EXOC4: variants seen among roughly 807,000 people sequenced by gnomAD.
EXOC4 encodes the protein SEC8-like 1.
A neutral mutation model predicts 107.2 loss-of-function variants in EXOC4; 71 were observed. That is an observed-to-expected ratio of 0.66 (90% confidence interval 0.55 to 0.81). EXOC4 has a LOEUF of 0.81. Ranked by LOEUF, EXOC4 falls within the 30% of genes least tolerant of loss-of-function variation. The pLI is 0.00. For synonymous variants in EXOC4, 456 were observed against 441.2 expected, an observed-to-expected ratio of 1.03 and a Z score of -0.42; for missense variants, 1,108 against 1,189.6, an observed-to-expected ratio of 0.93 and a Z score of 1.01.
intron 10 of EXOC4, among the ~76,000 whole-genome samples, chr7:133,672,946 T>A (rs1251744577): frequency 6.6e-6 from 1 of 152,098 alleles, no homozygotes; most frequent in Non-Finnish European, 1.5e-5. Flanking sequence ...GCCTTTAAAA[T>A]TTTTTTTCAG....
chr7:133,853,423 G>T (rs1313400306), intron 11 of EXOC4, among the ~76,000 whole-genome samples: 2 of 149,214 alleles, frequency 1.3e-5, no homozygotes, highest in Admixed American at 6.7e-5. Flanking sequence ...TGGAGAGAGG[G>T]TCTCATTATG....
At chr7:133,841,733 G>A (rs1206541962) in intron 11 of EXOC4, among the ~76,000 whole-genome samples, 1 of 152,024 alleles carries the variant, frequency 6.6e-6, no homozygotes. Context: ...ATGTTGCAGG[G>A]GTTTGATATA....
At chr7:134,043,663 C>T (rs752784076) in intron 17 of EXOC4, among the ~76,000 whole-genome samples, 34 of 152,128 alleles carry the variant, frequency 2.2e-4, no homozygotes, top group Non-Finnish European at 3.7e-4. Context: ...CCAGCATCAC[C>T]GTAGACTCTG....
intron 7 of EXOC4, among the ~76,000 whole-genome samples, chr7:133,473,744 A>G (rs1798939212): frequency 2.6e-5 from 4 of 151,564 alleles, no homozygotes; most frequent in Non-Finnish European, 1.5e-5. Flanking sequence ...TCTGTCGCCC[A>G]GGCTGGAGTG....
At chr7:133,818,075 A>G (rs1834117) in intron 11 of EXOC4, among the ~76,000 whole-genome samples, 18,942 of 152,124 alleles carry the variant, frequency 0.12, 1,309 homozygotes, top group Middle Eastern at 0.16. Flanking sequence ...TACTTTATAT[A>G]AAAAAATGGT....
intron 11 of EXOC4, among the ~76,000 whole-genome samples, chr7:133,826,048 G>A (rs898312015): frequency 1.3e-5 from 2 of 151,826 alleles, no homozygotes; most frequent in African/African-American, 4.8e-5. Context: ...GTATTATTTT[G>A]CCTCTTCATG....
At chr7:133,739,222 TTGTGTGTGTG>T (rs72444310) in intron 10 of EXOC4, among the ~76,000 whole-genome samples, 96 of 142,408 alleles carry the variant, frequency 6.7e-4, no homozygotes, top group East Asian at 1.7e-3. Context: ...GTAGAGGGGT[TTGTGTGTGTG>T]TGTGTGTGTG....
chr7:133,651,390 C>T (rs539844804), intron 10 of EXOC4, among the ~76,000 whole-genome samples: 1 of 152,206 alleles, frequency 6.6e-6, no homozygotes, highest in South Asian at 2.1e-4. Flanking sequence ...CTATAGTATC[C>T]TTAGCACTAC....
At chr7:133,380,256 A>C in intron 7 of EXOC4, among the ~76,000 whole-genome samples, 1 of 150,436 alleles carries the variant, frequency 6.6e-6, no homozygotes, top group South Asian at 2.1e-4. Flanking sequence ...AAATAAAATA[A>C]AATAAAATAA....
At chr7:133,921,307 C>G (rs1799930348) in intron 13 of EXOC4, among the ~76,000 whole-genome samples, 2 of 152,134 alleles carry the variant, frequency 1.3e-5, no homozygotes, top group Admixed American at 6.5e-5. Context: ...TGGATGATAC[C>G]CATCCATGTT....
intron 7 of EXOC4, among the ~76,000 whole-genome samples, chr7:133,379,862 A>G (rs1335521949): frequency 1.3e-5 from 2 of 152,186 alleles, no homozygotes; most frequent in African/African-American, 4.8e-5. Context: ...ATTATTTCAT[A>G]ATAAAGATGA....
At chr7:133,903,115 C>T (rs1255128753) in intron 12 of EXOC4, among the ~76,000 whole-genome samples, 2 of 152,074 alleles carry the variant, frequency 1.3e-5, no homozygotes, top group African/African-American at 4.8e-5. Flanking sequence ...TTTTAAGGAA[C>T]AGCAAGGAGG....
chr7:133,624,470 C>T (rs978843484), intron 9 of EXOC4, among the ~76,000 whole-genome samples: 4 of 152,102 alleles, frequency 2.6e-5, no homozygotes, highest in Non-Finnish European at 5.9e-5. Flanking sequence ...CTAGTCTTAG[C>T]TGCTCAGGAG....
intron 10 of EXOC4, among the ~76,000 whole-genome samples, chr7:133,633,486 A>C (rs1388424768): frequency 6.6e-6 from 1 of 152,164 alleles, no homozygotes; most frequent in African/African-American, 2.4e-5. Flanking sequence ...TGGGAAGCCG[A>C]GGTGGGTGGA....
chr7:133,997,961 A>G (rs543888089), intron 15 of EXOC4, among the ~76,000 whole-genome samples: 44 of 152,328 alleles, frequency 2.9e-4, no homozygotes, highest in African/African-American at 1.0e-3. Context: ...GATAGTTTCT[A>G]ACTTATAGAG....
intron 9 of EXOC4, among the ~76,000 whole-genome samples, chr7:133,487,389 A>T (rs1024548447): frequency 1.3e-5 from 2 of 152,198 alleles, no homozygotes; most frequent in Non-Finnish European, 2.9e-5. Flanking sequence ...ATTTCTCTAC[A>T]TTTATATTAT....
chr7:133,787,955 T>TTTTATATATATATATATATATATA (rs774395151), intron 10 of EXOC4, among the ~76,000 whole-genome samples: 3 of 31,646 alleles, frequency 9.5e-5, no homozygotes, highest in Non-Finnish European at 1.2e-4. Context: ...GTGCATATAT[T>TTTTATATATATATATATATATATA]TATATATTTA....
At chr7:133,998,046 TGTG>T (rs781426658) in intron 15 of EXOC4, among the ~76,000 whole-genome samples, 1 of 152,230 alleles carries the variant, frequency 6.6e-6, no homozygotes, top group Non-Finnish European at 1.5e-5. Context: ...GCTTTGCTAT[TGTG>T]GTGACTTTAT....
chr7:133,862,581 A>G (rs1250089589), intron 11 of EXOC4, among the ~76,000 whole-genome samples: 1 of 152,206 alleles, frequency 6.6e-6, no homozygotes, highest in Non-Finnish European at 1.5e-5. Flanking sequence ...CTAAAGTACT[A>G]GTTACAACAG....
Sources: gnomAD v4.1 joint callset for allele counts (sites outside exome capture counted in the v4.1 genomes callset) on GRCh38, gnomAD v4.1.1 for gene constraint, MANE v1.5 for transcripts, NCBI Gene and HGNC (gene_info 2026-07-23, HGNC 2026-07-21) for gene names.